The following UBTD1 variants were observed in gnomAD, a reference collection of about 807,000 sequenced individuals.
The protein encoded by UBTD1 is ubiquitin domain containing 1, also known as ubiquitin domain-containing protein 1.
UBTD1 carries 19 observed loss-of-function variants against 21.7 expected under a neutral mutation model. The ratio of observed to expected loss-of-function variants is 0.87; its 90% CI spans 0.61 to 1.28. The LOEUF (loss-of-function observed/expected upper bound fraction) is 1.28. UBTD1 is among the 50% of genes most tolerant of loss of function. The pLI is 0.00. For missense variants in UBTD1, 282 were observed against 315.1 expected, an observed-to-expected ratio of 0.89 and a Z score of 0.80; for synonymous variants, 116 against 135.1, an observed-to-expected ratio of 0.86 and a Z score of 0.98.
chr10:97,542,830 A>G (rs2040592730), intron 1 of UBTD1, among the ~76,000 whole-genome samples: 1 of 152,224 alleles, frequency 6.6e-6, no homozygotes, highest in South Asian at 2.1e-4. Flanking sequence ...CCATATGGTC[A>G]GCCTCATGCA....
At chr10:97,546,404 C>A (rs2040610728) in intron 1 of UBTD1, among the ~76,000 whole-genome samples, 1 of 151,838 alleles carries the variant, frequency 6.6e-6, no homozygotes, top group Non-Finnish European at 1.5e-5. Flanking sequence ...GCCTGGCCAA[C>A]ATAGTGCAAC....
At chr10:97,518,918 A>G (rs116232013) in intron 1 of UBTD1, among the ~76,000 whole-genome samples, 1,840 of 152,338 alleles carry the variant, frequency 0.012, 38 homozygotes, top group African/African-American at 0.042. Context: ...TAGTAACTCA[A>G]TGAAGTAAGT....
intron 1 of UBTD1, among the ~76,000 whole-genome samples, chr10:97,537,636 G>A (rs1371249643): frequency 6.6e-6 from 1 of 152,086 alleles, no homozygotes; most frequent in Non-Finnish European, 1.5e-5. Flanking sequence ...AGAGGGAGGA[G>A]GGTGAGGCTT....
chr10:97,556,735 C>T (rs879462302), intron 1 of UBTD1, among the ~76,000 whole-genome samples: 1 of 152,200 alleles, frequency 6.6e-6, no homozygotes, highest in Non-Finnish European at 1.5e-5. Flanking sequence ...GCTACCTGTC[C>T]ACTGATCAGG....
chr10:97,501,776 C>G (rs1018514129), intron 1 of UBTD1, among the ~76,000 whole-genome samples: 2 of 152,124 alleles, frequency 1.3e-5, no homozygotes, highest in Admixed American at 1.3e-4. Flanking sequence ...TCCTTCTTAT[C>G]GAGAGTCTTT....
At chr10:97,532,411 C>T (rs1224741940) in intron 1 of UBTD1, among the ~76,000 whole-genome samples, 3 of 152,114 alleles carry the variant, frequency 2.0e-5, no homozygotes, top group East Asian at 1.9e-4. Context: ...TTTGGGAGGC[C>T]GAGGCAGGCG....
intron 1 of UBTD1, among the ~76,000 whole-genome samples, chr10:97,529,220 G>GGT: frequency 6.6e-6 from 1 of 151,660 alleles, no homozygotes; most frequent in African/African-American, 2.4e-5. Context: ...GCCGGGAAGA[G>GGT]GCGCTCCTCA....
intron 1 of UBTD1, among the ~76,000 whole-genome samples, chr10:97,511,470 T>C (rs2040422998): frequency 6.6e-6 from 1 of 152,190 alleles, no homozygotes; most frequent in Non-Finnish European, 1.5e-5. Context: ...CTGATGTCAC[T>C]GCCACTCATG....
At chr10:97,563,739 G>A (rs1194999199) in intron 1 of UBTD1, among the ~76,000 whole-genome samples, 2 of 152,142 alleles carry the variant, frequency 1.3e-5, no homozygotes, top group African/African-American at 4.8e-5. Flanking sequence ...ATGGTGAATG[G>A]GGTATGACTA....
At chr10:97,538,568 G>A (rs1324949838) in intron 1 of UBTD1, among the ~76,000 whole-genome samples, 1 of 152,172 alleles carries the variant, frequency 6.6e-6, no homozygotes, top group East Asian at 1.9e-4. Context: ...ATATGAGCTC[G>A]TCTGGTCAGG....
intron 1 of UBTD1, among the ~76,000 whole-genome samples, chr10:97,555,746 A>G (rs1162173204): frequency 2.6e-5 from 4 of 152,180 alleles, no homozygotes; most frequent in Non-Finnish European, 5.9e-5. Flanking sequence ...CAATGTCTGG[A>G]ATCTATGAAT....
chr10:97,566,517 CACTT>C (rs2040717661), intron 1 of UBTD1, among the ~76,000 whole-genome samples: 2 of 152,236 alleles, frequency 1.3e-5, no homozygotes, highest in Admixed American at 6.5e-5. Context: ...AACCCTCACT[CACTT>C]ACTATGTGAC....
At chr10:97,558,580 A>C (rs542935627) in intron 1 of UBTD1, among the ~76,000 whole-genome samples, 1 of 151,762 alleles carries the variant, frequency 6.6e-6, no homozygotes, top group South Asian at 2.1e-4. Flanking sequence ...TCTCTTTCTG[A>C]CACATAGAGT....
In UBTD1 at chr10:97,570,721, G is replaced by A; in HGVS notation, c.*198G>A. The A allele has an allele frequency of 4.7e-6, 3 of 636,078 alleles. No homozygotes were observed. Among genetic ancestry groups the A allele is most frequent in the South Asian group, 4.8e-5 (2 of 41,600 alleles). 39.4% of individuals were successfully genotyped at this position (636,078 alleles called of 1,614,324 possible). A position where few individuals can be genotyped will look rare whatever the true frequency, so the allele number is the denominator to read the frequency against. On this transcript the variant is annotated 3_prime_UTR_variant, in exon 3 of 3. Coordinates refer to ENST00000370664, the MANE Select transcript of UBTD1 (RefSeq NM_024954.5). The surrounding 1 kb of genome is among the most constrained non-coding windows in gnomAD (Gnocchi z 6.6). ...CCAGGGAGCAGGCAGCCACACACGG[G>A]CCTTGCAACCTTGTCAGAGAAAAGG...
chr10:97,530,029 T>C (rs1187994143), intron 1 of UBTD1, among the ~76,000 whole-genome samples: 2 of 152,128 alleles, frequency 1.3e-5, no homozygotes, highest in African/African-American at 4.8e-5. Context: ...CATTCACGTG[T>C]CCCCCTGATT....
At chr10:97,538,377 A>G (rs1337559941) in intron 1 of UBTD1, among the ~76,000 whole-genome samples, 1 of 152,144 alleles carries the variant, frequency 6.6e-6, no homozygotes, top group Non-Finnish European at 1.5e-5. Flanking sequence ...AAATTTACAT[A>G]TATTATTTAT....
At chr10:97,537,117 TAA>T (rs147702196) in intron 1 of UBTD1, among the ~76,000 whole-genome samples, 2,217 of 152,110 alleles carry the variant, frequency 0.015, 54 homozygotes, top group African/African-American at 0.051. Flanking sequence ...AGACACACTT[TAA>T]GGTAATTAGA....
rs1358718582 is a variant in UBTD1, at chr10:97,570,386, G to A, written c.547G>A (p.Gly183Ser). 1 of 1,613,384 alleles carries A rather than the reference G, an allele frequency of 6.2e-7. No individual in the cohort carries two copies. The highest frequency in any genetic ancestry group is 8.5e-7 in the Non-Finnish European group (1 of 1,180,012). The change falls in exon 3 of 3, where the codon GGC becomes AGC. Residue 183 changes from glycine (G) to serine (S), a missense_variant. Coordinates refer to ENST00000370664, the MANE Select transcript of UBTD1 (RefSeq NM_024954.5). The surrounding 1 kb of genome is among the most constrained non-coding windows in gnomAD (Gnocchi z 6.6). ...QLKRQLHAQE[G>S]IEPSWQRWFF... ...CAAGAGGCAGCTGCACGCCCAGGAG[G>A]GCATCGAGCCATCGTGGCAGCGGTG...
At chr10:97,500,211 A>G (rs746556432) in intron 1 of UBTD1, among the ~76,000 whole-genome samples, 5 of 152,218 alleles carry the variant, frequency 3.3e-5, no homozygotes, top group African/African-American at 7.2e-5. Flanking sequence ...GCTAGAACTC[A>G]GCCTCCTCTC....
Sources: gnomAD v4.1 joint callset for allele counts (sites outside exome capture counted in the v4.1 genomes callset) on GRCh38, gnomAD v4.1.1 for gene constraint, Gnocchi (gnomAD v3.1) non-coding constraint, MANE v1.5 for transcripts, NCBI Gene and HGNC (gene_info 2026-07-23, HGNC 2026-07-21) for gene names.